Variants in FOXO3 observed in about 807,000 individuals in gnomAD.
FOXO3 encodes forkhead box protein O3.
Under a neutral mutation model 41.9 loss-of-function variants are expected in FOXO3, and 4 were observed. The ratio of observed to expected loss-of-function variants is 0.10; its 90% confidence interval spans 0.05 to 0.22. FOXO3 has a LOEUF of 0.22. Ranked by LOEUF, FOXO3 falls within the 10% of genes least tolerant of loss-of-function variation. The pLI is 1.00. For missense variants in FOXO3, 534 were observed against 906.8 expected, an observed-to-expected ratio of 0.59 and a Z score of 5.28; for synonymous variants, 318 against 389.3, an observed-to-expected ratio of 0.82 and a Z score of 2.16.
At chr6:108,590,636 G>A (rs1266310841) in intron 1 of FOXO3, among the ~76,000 whole-genome samples, 1 of 152,072 alleles carries the variant, frequency 6.6e-6, no homozygotes, top group Admixed American at 6.5e-5. Context: ...CAGGTAATTT[G>A]GATGAGGGAT....
At chr6:108,645,836 T>G (rs1778379192) in intron 1 of FOXO3, among the ~76,000 whole-genome samples, 1 of 152,192 alleles carries the variant, frequency 6.6e-6, no homozygotes, top group Non-Finnish European at 1.5e-5. Context: ...TTTATAATTT[T>G]TAAAAAATCT....
intron 1 of FOXO3, among the ~76,000 whole-genome samples, chr6:108,652,134 C>T (rs1028450719): frequency 6.6e-6 from 1 of 152,168 alleles, no homozygotes; most frequent in East Asian, 1.9e-4. Context: ...GACGTAGTCA[C>T]AGGCTAATTC....
At chr6:108,567,327 G>T (rs17532174) in intron 1 of FOXO3, among the ~76,000 whole-genome samples, 5,464 of 152,162 alleles carry the variant, frequency 0.036, 135 homozygotes, top group Middle Eastern at 0.095. Context: ...CTGTTTGGGA[G>T]AAGCTTTGGT....
chr6:108,584,114 G>A lies in FOXO3; in HGVS notation c.621+22285G>A, dbSNP rs184512964. ...TTCATCCATTTAGTTTCATTCCGCC[G>A]GCACGGTAATGCATGGAATAAAGAT... On this transcript the variant is annotated intron_variant, in intron 1 of 2. Transcript: ENST00000406360. Among the ~76,000 whole-genome samples, 8 of 152,246 alleles carry A rather than the reference G, an allele frequency of 5.3e-5. No individual in the cohort carries two copies. The East Asian group carries it at 1.5e-3, about 29-fold the overall frequency.
chr6:108,677,789 G>A (rs1027947516), intron 2 of FOXO3, among the ~76,000 whole-genome samples: 7 of 152,100 alleles, frequency 4.6e-5, no homozygotes, highest in African/African-American at 1.7e-4. Context: ...AGAGTAGTTA[G>A]AATAGCACTG....
chr6:108,673,394 C>T (rs951994372), intron 2 of FOXO3, among the ~76,000 whole-genome samples: 2 of 152,238 alleles, frequency 1.3e-5, no homozygotes, highest in Non-Finnish European at 2.9e-5. Flanking sequence ...CCTTTGTCTC[C>T]CTCAGTTGTG....
intron 1 of FOXO3, among the ~76,000 whole-genome samples, chr6:108,589,475 C>T (rs141545816): frequency 3.3e-4 from 50 of 152,324 alleles, no homozygotes; most frequent in African/African-American, 1.2e-3. Context: ...TTCTCTCAGC[C>T]CTGCCATTCC....
At chr6:108,614,299 G>C (rs1777435883) in intron 1 of FOXO3, among the ~76,000 whole-genome samples, 1 of 152,080 alleles carries the variant, frequency 6.6e-6, no homozygotes, top group African/African-American at 2.4e-5. Flanking sequence ...TGTAATTGTG[G>C]ATTTGTCTAC....
chr6:108,676,261 G>A (rs765450848), intron 2 of FOXO3, among the ~76,000 whole-genome samples: 9 of 152,174 alleles, frequency 5.9e-5, no homozygotes, highest in Non-Finnish European at 1.2e-4. Context: ...ATTGTTAATT[G>A]GCATATTGCC....
chr6:108,617,961 C>T (rs925677002), intron 1 of FOXO3: 3 of 515,274 alleles, frequency 5.8e-6, no homozygotes, highest in Admixed American at 2.9e-5. Context: ...TCGTGGTCTG[C>T]GAGAACAGAG....
At chr6:108,596,797 A>G (rs767572434) in intron 1 of FOXO3, among the ~76,000 whole-genome samples, 1 of 152,230 alleles carries the variant, frequency 6.6e-6, no homozygotes, top group Non-Finnish European at 1.5e-5. Flanking sequence ...GTACCAGCAG[A>G]CTGAAGCCCA....
intron 1 of FOXO3, among the ~76,000 whole-genome samples, chr6:108,642,798 CT>C (rs773249376): frequency 1.3e-5 from 2 of 152,288 alleles, no homozygotes; most frequent in East Asian, 1.9e-4. Context: ...CATTTTAACT[CT>C]TAACTTGCAT....
In FOXO3 at chr6:108,681,850, C is replaced by T. The variant is rs1345086814; in HGVS notation, c.*2058C>T. 3.3e-5 allele frequency: 5 copies of T among 152,084 alleles called. No homozygotes were observed. Among genetic ancestry groups the T allele is most frequent in the Non-Finnish European group, 7.4e-5 (5 of 68,022 alleles). 9.4% of individuals were successfully genotyped at this position (152,084 alleles called of 1,614,324 possible). A position where few individuals can be genotyped will look rare whatever the true frequency, so the allele number is the denominator to read the frequency against. ...CCTTTATAATAATGCTAGCCACTTC[C>T]TGGATTCTTTAGTAATGTGCTGTAT... On this transcript the variant is annotated 3_prime_UTR_variant, in exon 3 of 3. Transcript: ENST00000406360.
At chr6:108,572,294 G>A (rs996180596) in intron 1 of FOXO3, among the ~76,000 whole-genome samples, 2 of 152,166 alleles carry the variant, frequency 1.3e-5, no homozygotes, top group African/African-American at 4.8e-5. Context: ...CCCTGTCAGG[G>A]CTTGAGAAGA....
intron 1 of FOXO3, among the ~76,000 whole-genome samples, chr6:108,577,847 C>T (rs1220414413): frequency 6.6e-6 from 1 of 152,164 alleles, no homozygotes; most frequent in Non-Finnish European, 1.5e-5. Flanking sequence ...AGGGCAAGAG[C>T]ATTATTATCA....
chr6:108,564,326 G>GTTT (rs1422686975), intron 1 of FOXO3, among the ~76,000 whole-genome samples: 1 of 152,202 alleles, frequency 6.6e-6, no homozygotes, highest in African/African-American at 2.4e-5. Flanking sequence ...TGGAAGAAGA[G>GTTT]GGAAAAGGGA....
intron 1 of FOXO3, among the ~76,000 whole-genome samples, chr6:108,570,681 T>C (rs1224352106): frequency 6.6e-6 from 1 of 152,178 alleles, no homozygotes; most frequent in African/African-American, 2.4e-5. Flanking sequence ...CTTGAAGGTA[T>C]TGAGAATTTA....
intron 1 of FOXO3, among the ~76,000 whole-genome samples, chr6:108,638,151 G>A (rs1778167012): frequency 6.6e-6 from 1 of 152,190 alleles, no homozygotes; most frequent in South Asian, 2.1e-4. Context: ...ATGGCATTTT[G>A]AGATGAATGG....
chr6:108,627,723 A>C (rs1416131516), intron 1 of FOXO3, among the ~76,000 whole-genome samples: 3 of 152,144 alleles, frequency 2.0e-5, no homozygotes, highest in African/African-American at 4.8e-5. Flanking sequence ...TAGTAAAAAA[A>C]AAAATCCCAT....
Sources: gnomAD v4.1 joint callset for allele counts (sites outside exome capture counted in the v4.1 genomes callset) on GRCh38, gnomAD v4.1.1 for gene constraint, MANE v1.5 for transcripts, NCBI Gene and HGNC (gene_info 2026-07-23, HGNC 2026-07-21) for gene names.